The following SAFB2 variants were observed in gnomAD, a reference collection of about 807,000 sequenced individuals.
SAFB2 encodes the protein scaffold attachment factor B2.
A neutral mutation model predicts 100.6 loss-of-function variants in SAFB2; 32 were observed. The observed-to-expected ratio is 0.32, with a 90% CI of 0.24 to 0.43. SAFB2 has a LOEUF of 0.43. Among genes scored for constraint, SAFB2 ranks in the 20% least tolerant of loss-of-function variants. The pLI is 1.00. For missense variants in SAFB2, 1,185 were observed against 1,163.4 expected (o/e 1.02, Z -0.27); for synonymous variants, 500 against 439.4 (o/e 1.14, Z -1.72).
intron 2 of SAFB2, among the ~76,000 whole-genome samples, chr19:5,618,388 T>C (rs1255423427): frequency 1.3e-5 from 2 of 151,868 alleles, no homozygotes; most frequent in East Asian, 1.9e-4. Context: ...AAATTAAACA[T>C]AAAAAACCTG....
chr19:5,587,848 C>A lies in SAFB2; in HGVS notation c.2638+20G>T, dbSNP rs371077932. On this transcript the variant is annotated intron_variant, in intron 19 of 20. Coordinates refer to ENST00000252542, the MANE Select transcript of SAFB2 (RefSeq NM_014649.3). This position sits in a 1 kb window ranked among gnomAD's most constrained non-coding sequence, Gnocchi z 4.9. ...ATGTGGGGGCCACAGCCACCCTCGTCCCTGGAGCCAGCCCCGTACCTTGCC... is the reference window on the plus strand; with the variant it reads ...ATGTGGGGGCCACAGCCACCCTCGTACCTGGAGCCAGCCCCGTACCTTGCC... 6.2e-7 allele frequency: 1 copy of A among 1,600,176 alleles called. No individual in the cohort carries two copies. The highest frequency in any genetic ancestry group is 1.7e-5 in the Admixed American group (1 of 58,450).
At chr19:5,609,051 C>CAAAAAAAAAAAAAAAAAAAAAAAAA (rs60419324) in intron 9 of SAFB2, among the ~76,000 whole-genome samples, 8 of 72,686 alleles carry the variant, frequency 1.1e-4, no homozygotes, top group African/African-American at 2.2e-4. Context: ...GACGCAGTCT[C>CAAAAAAAAAAAAAAAAAAAAAAAAA]AAAAAAAAAA....
chr19:5,600,234 A>G lies in SAFB2; in HGVS notation c.1586T>C (p.Ile529Thr), dbSNP rs758347263. ...EKTVIKKEEK[I>T]EKKEEKKPED... ...AGGCTTTTTTTCCTCCTTCTTCTCA[A>G]TCTTCTCTTCCTTCTTAATTACAGT... is the stretch of plus-strand genomic sequence containing the variant. Residue 529 changes from isoleucine (I) to threonine (T), a missense_variant, in exon 12 of 21, where the codon ATT (isoleucine) becomes ACT (threonine). Physicochemically the swap from Ile to Thr is moderately conservative, Grantham distance 89. Around this residue, in one of 3 missense-constraint regions of SAFB2, gnomAD observed 740 missense variants for 687.1 expected, o/e 1.08. Transcript: ENST00000252542. 1.2e-6 allele frequency: 2 copies of G among 1,611,586 alleles called. No individual in the cohort carries two copies. The highest frequency in any genetic ancestry group is 1.1e-5 in the South Asian group (1 of 90,932).
chr19:5,593,090 CTT>C (rs1373196205), intron 15 of SAFB2, among the ~76,000 whole-genome samples: 1 of 152,188 alleles, frequency 6.6e-6, no homozygotes, highest in Non-Finnish European at 1.5e-5. Context: ...GAGAGGCACA[CTT>C]GTGTTCTCAT....
At chr19:5,601,276 G>C (rs549643557) in intron 11 of SAFB2, among the ~76,000 whole-genome samples, 9 of 152,324 alleles carry the variant, frequency 5.9e-5, no homozygotes, top group African/African-American at 2.2e-4. Context: ...ACAACCACCA[G>C]GGTGGCCTTA....
intron 1 of SAFB2, among the ~76,000 whole-genome samples, 197 bp from the exon 2 acceptor site, chr19:5,621,593 C>G (rs1816025278): frequency 6.6e-6 from 1 of 152,230 alleles, no homozygotes; most frequent in South Asian, 2.1e-4. Flanking sequence ...GTCCAAATGA[C>G]AAAGGAGAGG....
Position 5,622,721 on chromosome 19 carries a change from C to G in SAFB2, c.-6G>C, listed in dbSNP as rs955930746. On this transcript the variant is annotated 5_prime_UTR_variant, in exon 1 of 21. Transcript: ENST00000252542. Reference sequence around the variant, plus strand: ...CCGGGCAGAGTCTCCGCCATCGTCGCGTTCCCGTCTTCGCCACCGACTCAG... The same window carrying G: ...CCGGGCAGAGTCTCCGCCATCGTCGGGTTCCCGTCTTCGCCACCGACTCAG... 1 of 1,597,080 alleles carries G rather than the reference C, an allele frequency of 6.3e-7. No homozygotes were observed. The highest frequency in any genetic ancestry group is 8.5e-7 in the Non-Finnish European group (1 of 1,175,654).
Position 5,612,571 on chromosome 19 carries a change from T to G in SAFB2, c.607-4A>C, listed in dbSNP as rs764315569. 30 of 1,612,576 alleles carry G rather than the reference T, an allele frequency of 1.9e-5. No homozygotes were observed. Among genetic ancestry groups the G allele is most frequent in the Middle Eastern group, 1.6e-4 (1 of 6,082 alleles). ...CCAAAAGGGATTCTTCAATGTCCTATTTAAAAAAGAAAAAGCAAATCCACA... is the reference window on the plus strand; with the variant it reads ...CCAAAAGGGATTCTTCAATGTCCTAGTTAAAAAAGAAAAAGCAAATCCACA... On this transcript the variant is annotated splice_region_variant and splice_polypyrimidine_tract_variant and intron_variant, in intron 5 of 20. Transcript: ENST00000252542.
chr19:5,607,750 A>G (rs891997628), intron 9 of SAFB2, among the ~76,000 whole-genome samples: 2 of 152,230 alleles, frequency 1.3e-5, no homozygotes, highest in Non-Finnish European at 2.9e-5. Flanking sequence ...TCAGGGCATC[A>G]ACCTAAGCAA....
chr19:5,597,519 A>C (rs909156889), intron 13 of SAFB2, among the ~76,000 whole-genome samples: 5 of 152,234 alleles, frequency 3.3e-5, no homozygotes, highest in Admixed American at 2.0e-4. Context: ...GGCATATTAC[A>C]CAGAAAGTGC....
intron 11 of SAFB2, among the ~76,000 whole-genome samples, chr19:5,603,905 A>G (rs573752970): frequency 2.0e-5 from 3 of 152,374 alleles, no homozygotes; most frequent in African/African-American, 4.8e-5. Context: ...GCTGTGATTA[A>G]TAAGTGAGAA....
At chr19:5,613,147 T>C (rs2052945714) in intron 5 of SAFB2, among the ~76,000 whole-genome samples, 1 of 152,150 alleles carries the variant, frequency 6.6e-6, no homozygotes, top group South Asian at 2.1e-4. Context: ...CACCCAAACT[T>C]TCTGCTCCAA....
chr19:5,610,750 T>C, intron 7 of SAFB2, 62 bp from the exon 8 acceptor site: 1 of 1,181,024 alleles, frequency 8.5e-7, no homozygotes, highest in Non-Finnish European at 1.2e-6. Flanking sequence ...AAACTAAAAA[T>C]ATGATTATGT....
At chr19:5,591,724 G>C in intron 17 of SAFB2, 24 bp downstream of exon 17, 1 of 1,610,490 alleles carries the variant, frequency 6.2e-7, no homozygotes, top group Non-Finnish European at 8.5e-7. Context: ...TGGCCCCAGG[G>C]CTTGGCATCG....
At chr19:5,591,616 T>G (rs1188700313) in intron 17 of SAFB2, 132 bp downstream of exon 17, 4 of 777,766 alleles carry the variant, frequency 5.1e-6, no homozygotes, top group Non-Finnish European at 8.6e-6. Context: ...GAACCCACAC[T>G]TGCATACCCG....
chr19:5,595,033 G>C (rs1274648482), intron 14 of SAFB2, among the ~76,000 whole-genome samples: 2 of 152,130 alleles, frequency 1.3e-5, no homozygotes, highest in African/African-American at 4.8e-5. Flanking sequence ...ATATTTTGTA[G>C]AGGTGGGGTC....
At chr19:5,599,486 C>T (rs1230039241) in intron 12 of SAFB2, among the ~76,000 whole-genome samples, 4 of 152,120 alleles carry the variant, frequency 2.6e-5, no homozygotes, top group Non-Finnish European at 4.4e-5. Flanking sequence ...TAAATTAGCC[C>T]GAGAGCTGAA....
intron 11 of SAFB2, among the ~76,000 whole-genome samples, chr19:5,602,659 GCTA>G (rs1457638373): frequency 6.6e-6 from 1 of 151,978 alleles, no homozygotes; most frequent in Non-Finnish European, 1.5e-5. Context: ...GCCTCACAGG[GCTA>G]CTACAAGGAC....
chr19:5,616,031 T>C (rs1193296849), intron 4 of SAFB2, 101 bp downstream of exon 4: 13 of 1,059,332 alleles, frequency 1.2e-5, no homozygotes, highest in Non-Finnish European at 1.6e-5. Flanking sequence ...GAACTGTGTG[T>C]TCATGGCGGT....
Sources: gnomAD v4.1 joint callset for allele counts (sites outside exome capture counted in the v4.1 genomes callset) on GRCh38, gnomAD v4.1.1 for gene constraint, gnomAD v4.1.1 regional missense constraint, Gnocchi (gnomAD v3.1) non-coding constraint, MANE v1.5 for transcripts, NCBI Gene and HGNC (gene_info 2026-07-23, HGNC 2026-07-21) for gene names.